Variants in LHFPL3 observed in about 807,000 individuals in gnomAD.
The protein encoded by LHFPL3 is LHFPL tetraspan subfamily member 3, also known as LHFPL tetraspan subfamily member 3 protein.
A neutral mutation model predicts 19.3 loss-of-function variants in LHFPL3; 5 were observed. The ratio of observed to expected loss-of-function variants is 0.26; its 90% CI spans 0.14 to 0.54. The LOEUF is 0.54. LHFPL3 is among the 20% of genes least tolerant of loss of function. The pLI is 0.94. For missense variants in LHFPL3, 249 were observed against 307.4 expected (o/e 0.81, Z 1.42); for synonymous variants, 133 against 126.2 (o/e 1.05, Z -0.36).
chr7:104,633,329 G>A (rs1316655177), intron 1 of LHFPL3, among the ~76,000 whole-genome samples: 1 of 152,174 alleles, frequency 6.6e-6, no homozygotes, highest in Non-Finnish European at 1.5e-5. Context: ...TCTAGGGAAA[G>A]AATATTAATT....
At chr7:104,499,492 T>C (rs1793556457) in intron 1 of LHFPL3, among the ~76,000 whole-genome samples, 1 of 152,214 alleles carries the variant, frequency 6.6e-6, no homozygotes, top group South Asian at 2.1e-4. Context: ...GTACCACCCT[T>C]GTGCAGGCCA....
At chr7:104,792,629 C>G (rs753787200) in intron 2 of LHFPL3, among the ~76,000 whole-genome samples, 3 of 152,196 alleles carry the variant, frequency 2.0e-5, no homozygotes, top group Non-Finnish European at 4.4e-5. Flanking sequence ...AACTTTACCC[C>G]CTTCACTTAC....
intron 1 of LHFPL3, among the ~76,000 whole-genome samples, chr7:104,560,731 A>G (rs1789973319): frequency 6.9e-6 from 1 of 145,584 alleles, no homozygotes; most frequent in Non-Finnish European, 1.5e-5. Context: ...TAGCTTTTGA[A>G]TGTGTTTGCT....
intron 1 of LHFPL3, among the ~76,000 whole-genome samples, chr7:104,603,070 CTTTCTT>C (rs1562947423): frequency 0.098 from 5,761 of 58,666 alleles, 200 homozygotes; most frequent in East Asian, 0.19. Context: ...CTTTCTTTTT[CTTTCTT>C]TCTTTCTTTC....
chr7:104,765,045 G>A (rs533492621), intron 2 of LHFPL3, among the ~76,000 whole-genome samples: 2 of 152,196 alleles, frequency 1.3e-5, no homozygotes, highest in Non-Finnish European at 2.9e-5. Context: ...TAGGACATCA[G>A]ATCTGATACA....
At chr7:104,820,181 G>A (rs1790650454) in intron 2 of LHFPL3, among the ~76,000 whole-genome samples, 1 of 152,150 alleles carries the variant, frequency 6.6e-6, no homozygotes, top group Admixed American at 6.5e-5. Flanking sequence ...AAAAAAGAAA[G>A]TGGGAAATGC....
At position 104,715,258 on chromosome 7, in the gene LHFPL3, G is replaced by A. The variant is rs192880451; in HGVS notation, c.446-21417G>A. On this transcript the variant is annotated intron_variant, in intron 1 of 2. Transcript: ENST00000424859. ...TGTATGTATGTATATATGTGAATGT[G>A]TGAGTCTGATACCCCCTTGAGTAAG... Among the ~76,000 whole-genome samples the A allele has an allele frequency of 8.5e-5, 13 of 152,328 alleles. No homozygotes were observed. In the East Asian group the frequency reaches 2.3e-3, roughly 27 times the overall value.
At chr7:104,423,430 A>G (rs1393997532) in intron 1 of LHFPL3, among the ~76,000 whole-genome samples, 3 of 152,040 alleles carry the variant, frequency 2.0e-5, no homozygotes, top group Non-Finnish European at 2.9e-5. Context: ...CTGGGCAAAA[A>G]AGTGGGACCC....
At chr7:104,870,698 A>C (rs1368505650) in intron 2 of LHFPL3, among the ~76,000 whole-genome samples, 1 of 152,196 alleles carries the variant, frequency 6.6e-6, no homozygotes, top group African/African-American at 2.4e-5. Context: ...CAGAGAAGAA[A>C]GAAGCCCTGG....
At chr7:104,587,161 G>A (rs1174861006) in intron 1 of LHFPL3, among the ~76,000 whole-genome samples, 1 of 152,164 alleles carries the variant, frequency 6.6e-6, no homozygotes, top group Non-Finnish European at 1.5e-5. Context: ...GGGTACGTGT[G>A]CACAACGTGC....
At chr7:104,376,371 A>G (rs929553112) in intron 1 of LHFPL3, among the ~76,000 whole-genome samples, 1 of 152,238 alleles carries the variant, frequency 6.6e-6, no homozygotes, top group Non-Finnish European at 1.5e-5. Flanking sequence ...CAATAAATAA[A>G]GGGTAGAGAA....
At chr7:104,743,077 C>T (rs762552396) in intron 2 of LHFPL3, among the ~76,000 whole-genome samples, 10 of 152,082 alleles carry the variant, frequency 6.6e-5, no homozygotes, top group Non-Finnish European at 1.0e-4. Context: ...GCAGAGATCA[C>T]GCCACTGCAC....
intron 1 of LHFPL3, among the ~76,000 whole-genome samples, chr7:104,633,942 G>A (rs1287566830): frequency 6.6e-6 from 1 of 152,150 alleles, no homozygotes; most frequent in African/African-American, 2.4e-5. Context: ...GCCAGCAGCT[G>A]GTGTTGGATA....
At chr7:104,452,723 TTTC>T (rs1284614821) in intron 1 of LHFPL3, among the ~76,000 whole-genome samples, 1 of 152,168 alleles carries the variant, frequency 6.6e-6, no homozygotes, top group African/African-American at 2.4e-5. Context: ...TTTATAAAAG[TTTC>T]TTACATAGTA....
At position 104,871,007 on chromosome 7, in the gene LHFPL3, C is replaced by A. The variant is rs57437921; in HGVS notation, c.683-35180C>A. Among the ~76,000 whole-genome samples, 885 of 152,286 alleles carry A rather than the reference C, an allele frequency of 5.8e-3. 12 individuals carry two copies. The highest frequency in any genetic ancestry group is 0.02 in the African/African-American group (851 of 41,552). On this transcript the variant is annotated intron_variant, in intron 2 of 2. Transcript: ENST00000424859. ...TAGGCCAAGGTGGGACTGGAGCAAACAATAGCACTTGACTGAGGGTCAACC... is the reference window on the plus strand; with the variant it reads ...TAGGCCAAGGTGGGACTGGAGCAAAAAATAGCACTTGACTGAGGGTCAACC...
chr7:104,641,651 C>T (rs1791838466), intron 1 of LHFPL3, among the ~76,000 whole-genome samples: 2 of 152,060 alleles, frequency 1.3e-5, no homozygotes, highest in African/African-American at 4.8e-5. Flanking sequence ...TGCGCTCTGG[C>T]CTGTGGTTTC....
intron 1 of LHFPL3, among the ~76,000 whole-genome samples, chr7:104,334,317 C>T (rs537998334): frequency 2.6e-5 from 4 of 152,288 alleles, no homozygotes; most frequent in East Asian, 1.9e-4. Context: ...GAGGCCAAGG[C>T]GGGCAGATCA....
chr7:104,879,712 A>G (rs571189349), intron 2 of LHFPL3, among the ~76,000 whole-genome samples: 1 of 152,366 alleles, frequency 6.6e-6, no homozygotes, highest in African/African-American at 2.4e-5. Flanking sequence ...AAAAGAAAAT[A>G]AAAAATTACA....
At chr7:104,592,997 T>G (rs907575259) in intron 1 of LHFPL3, among the ~76,000 whole-genome samples, 1 of 152,146 alleles carries the variant, frequency 6.6e-6, no homozygotes, top group Non-Finnish European at 1.5e-5. Flanking sequence ...GCTCCTGGAT[T>G]CATTGATTTT....
Sources: allele counts gnomAD v4.1 joint callset (sites outside exome capture counted in the v4.1 genomes callset), GRCh38; gene constraint gnomAD v4.1.1; transcripts MANE v1.5; gene names NCBI Gene and HGNC (gene_info 2026-07-23, HGNC 2026-07-21).